Variants in ATXN1 observed in about 807,000 individuals in gnomAD.
ATXN1 encodes the protein ataxin-1.
In ATXN1, 8 loss-of-function variants were observed where a neutral mutation model predicts 56.4. The observed-to-expected ratio is 0.14, with a 90% confidence interval of 0.08 to 0.26. The LOEUF (loss-of-function observed/expected upper bound fraction) is 0.26. Ranked by LOEUF, ATXN1 falls within the 10% of genes least tolerant of loss-of-function variation. The pLI is 1.00. For missense variants in ATXN1, 987 were observed against 1,106.5 expected, an observed-to-expected ratio of 0.89 and a Z score of 1.53; for synonymous variants, 514 against 494.6, an observed-to-expected ratio of 1.04 and a Z score of -0.52.
intron 3 of ATXN1, among the ~76,000 whole-genome samples, chr6:16,645,658 T>C (rs948781246): frequency 6.6e-6 from 1 of 152,218 alleles, no homozygotes; most frequent in African/African-American, 2.4e-5. Flanking sequence ...CATTATAATA[T>C]TAATAACATA....
chr6:16,712,987 C>T (rs1339035836), intron 2 of ATXN1, among the ~76,000 whole-genome samples: 2 of 152,136 alleles, frequency 1.3e-5, no homozygotes, highest in African/African-American at 4.8e-5. Context: ...AACATTTCTC[C>T]TTTTTCCAGC....
chr6:16,459,142 A>C (rs1365369094), intron 6 of ATXN1, among the ~76,000 whole-genome samples: 1 of 151,972 alleles, frequency 6.6e-6, no homozygotes, highest in African/African-American at 2.4e-5. Context: ...AAAGCCCCAC[A>C]CCCTTATTAG....
At chr6:16,727,777 A>T (rs1759882442) in intron 2 of ATXN1, among the ~76,000 whole-genome samples, 1 of 152,214 alleles carries the variant, frequency 6.6e-6, no homozygotes, top group African/African-American at 2.4e-5. Flanking sequence ...ATGTGTCCAC[A>T]AATTCGGACT....
intron 6 of ATXN1, among the ~76,000 whole-genome samples, chr6:16,339,216 G>A (rs930093993): frequency 2.6e-5 from 4 of 152,168 alleles, no homozygotes; most frequent in African/African-American, 9.7e-5. Flanking sequence ...GCTGGATCCT[G>A]CCAGCCACCA....
chr6:16,490,969 A>C (rs1308741874), intron 5 of ATXN1, among the ~76,000 whole-genome samples: 1 of 152,190 alleles, frequency 6.6e-6, no homozygotes, highest in African/African-American at 2.4e-5. Flanking sequence ...CCTCTTACAG[A>C]AAGCCCACTG....
intron 4 of ATXN1, among the ~76,000 whole-genome samples, chr6:16,549,635 C>T (rs914480037): frequency 6.6e-6 from 1 of 152,060 alleles, no homozygotes; most frequent in Non-Finnish European, 1.5e-5. Flanking sequence ...CAGCGGCTTA[C>T]GCCTGTAATC....
At chr6:16,621,745 G>A (rs183932281) in intron 3 of ATXN1, among the ~76,000 whole-genome samples, 1 of 152,224 alleles carries the variant, frequency 6.6e-6, no homozygotes, top group Admixed American at 6.5e-5. Context: ...AACAAATGAT[G>A]AGTTGATAGC....
intron 3 of ATXN1, among the ~76,000 whole-genome samples, chr6:16,650,315 G>A (rs141556542): frequency 1.3e-3 from 192 of 152,312 alleles, no homozygotes; most frequent in African/African-American, 4.2e-3. Context: ...GGGCCTTAGA[G>A]GCCATGCAGT....
At chr6:16,566,878 AC>A (rs1448730810) in intron 4 of ATXN1, among the ~76,000 whole-genome samples, 3 of 152,032 alleles carry the variant, frequency 2.0e-5, no homozygotes, top group African/African-American at 7.2e-5. Flanking sequence ...AACAACAACA[AC>A]AACAAAAACA....
At chr6:16,558,317 A>G (rs1010947503) in intron 4 of ATXN1, among the ~76,000 whole-genome samples, 158 of 144,332 alleles carry the variant, frequency 1.1e-3, no homozygotes, top group Non-Finnish European at 2.0e-3. Context: ...AAAAAAAAAA[A>G]AGAAAAAAAA....
intron 2 of ATXN1, among the ~76,000 whole-genome samples, chr6:16,675,425 T>C (rs1336699412): frequency 2.0e-5 from 3 of 152,138 alleles, no homozygotes; most frequent in Non-Finnish European, 4.4e-5. Flanking sequence ...TAGGGAATCT[T>C]CTCCCTTTCC....
At chr6:16,663,672 T>G (rs1027837822) in intron 2 of ATXN1, among the ~76,000 whole-genome samples, 19 of 78,200 alleles carry the variant, frequency 2.4e-4, no homozygotes, top group Non-Finnish European at 3.4e-4. Flanking sequence ...ATTTATTTAT[T>G]TATTTATTTA....
chr6:16,369,640 A>G (rs1337505228), intron 6 of ATXN1, among the ~76,000 whole-genome samples: 2 of 152,238 alleles, frequency 1.3e-5, no homozygotes, highest in Non-Finnish European at 2.9e-5. Flanking sequence ...TGCAAAGGGT[A>G]TAAGTCTTCA....
At chr6:16,392,620 T>C (rs972571837) in intron 6 of ATXN1, among the ~76,000 whole-genome samples, 9 of 151,980 alleles carry the variant, frequency 5.9e-5, no homozygotes, top group Non-Finnish European at 1.2e-4. Context: ...CTCAGCCTCC[T>C]GAGTAGCTGG....
At chr6:16,347,138 C>A (rs1761427875) in intron 6 of ATXN1, among the ~76,000 whole-genome samples, 1 of 152,226 alleles carries the variant, frequency 6.6e-6, no homozygotes, top group African/African-American at 2.4e-5. Context: ...TCCGTGGGCT[C>A]CTGTGCAGCC....
At chr6:16,699,622 G>A (rs1759239745) in intron 2 of ATXN1, among the ~76,000 whole-genome samples, 1 of 152,196 alleles carries the variant, frequency 6.6e-6, no homozygotes, top group Non-Finnish European at 1.5e-5. Context: ...TGACTTCCAG[G>A]GAGAGGTAAG....
intron 6 of ATXN1, among the ~76,000 whole-genome samples, chr6:16,391,318 T>C (rs1758351977): frequency 6.6e-6 from 1 of 152,040 alleles, no homozygotes; most frequent in African/African-American, 2.4e-5. Flanking sequence ...ACCATCAAAA[T>C]TGTGCACAAT....
At chr6:16,633,970 T>C (rs1030530693) in intron 3 of ATXN1, among the ~76,000 whole-genome samples, 2 of 152,174 alleles carry the variant, frequency 1.3e-5, no homozygotes, top group African/African-American at 4.8e-5. Flanking sequence ...GCACTACAGC[T>C]AACAATATAA....
chr6:16,475,916 C>T (rs1346535763), intron 6 of ATXN1, among the ~76,000 whole-genome samples: 1 of 150,726 alleles, frequency 6.6e-6, no homozygotes, highest in African/African-American at 2.4e-5. Context: ...GTTACCCAGA[C>T]TGGAGTGCAG....
Sources: gnomAD v4.1 joint callset for allele counts (sites outside exome capture counted in the v4.1 genomes callset) on GRCh38, gnomAD v4.1.1 for gene constraint, MANE v1.5 for transcripts, NCBI Gene and HGNC (gene_info 2026-07-23, HGNC 2026-07-21) for gene names.